CRIP3: variants seen among roughly 807,000 people sequenced by gnomAD.
CRIP3 encodes the protein cysteine-rich protein 3.
Under a neutral mutation model 30.3 loss-of-function variants are expected in CRIP3, and 23 were observed. That is an observed-to-expected ratio of 0.76 (90% CI 0.55 to 1.08). The LOEUF is 1.08. Among genes scored for constraint, CRIP3 ranks in the 50% least tolerant of loss-of-function variants. CRIP3 has a pLI of 0.00. For synonymous variants in CRIP3, 89 were observed against 97.6 expected (o/e 0.91, Z 0.52); for missense variants, 261 against 259.3 (o/e 1.01, Z -0.04).
chr6:43,306,587 G>A, intron 4 of CRIP3, 70 bp from the exon 5 acceptor site: 4 of 1,286,970 alleles, frequency 3.1e-6, no homozygotes, highest in Non-Finnish European at 4.3e-6. Context: ...TGCATATGGT[G>A]CTGTCCTCTT....
chr6:43,306,724 G>C, intron 4 of CRIP3: 1 of 538,398 alleles, frequency 1.9e-6, no homozygotes, highest in Non-Finnish European at 3.3e-6. Context: ...GGGACTATCT[G>C]CTTCCTTCTC....
Position 43,308,799 on chromosome 6 carries a change from G to A in CRIP3, c.-7C>T, listed in dbSNP as rs773618278. The A allele has an allele frequency of 6.2e-7, 1 of 1,613,820 alleles. No homozygotes were observed. Among genetic ancestry groups the A allele is most frequent in the Non-Finnish European group, 8.5e-7 (1 of 1,180,004 alleles). On this transcript the variant is annotated 5_prime_UTR_variant, in exon 1 of 8. Transcript: ENST00000372569. ...GCGGACAGGTCCAGCTCATAGCTCC[G>A]CTCCAGGCAGCGCACGCGGCACACA...
chr6:43,306,319 G>A lies in CRIP3; in HGVS notation c.401-6C>T. On this transcript the variant is annotated splice_region_variant and splice_polypyrimidine_tract_variant and intron_variant, in intron 5 of 7. Coordinates refer to ENST00000372569, the MANE Select transcript of CRIP3 (RefSeq NM_206922.3). ...TAATGACATCACCTTCTCAGCTGGT[G>A]GTGGAAAGAAGTGGTAATGCTTCCA... 6.2e-7 allele frequency: 1 copy of A among 1,613,940 alleles called. No individual in the cohort carries two copies. Among genetic ancestry groups the A allele is most frequent in the African/African-American group, 1.3e-5 (1 of 75,012 alleles).
At position 43,308,334 on chromosome 6, in the gene CRIP3, G is replaced by C; in HGVS notation, c.119C>G (p.Ser40Cys). 6.2e-7 allele frequency: 1 copy of C among 1,612,910 alleles called. No individual in the cohort carries two copies. The highest frequency in any genetic ancestry group is 8.5e-7 in the Non-Finnish European group (1 of 1,179,684). Reference sequence around the variant, plus strand: ...TCTTACCTCTGCATGCCCGCCAGGGGACAGGATGCTGTGGCAGCGCTCACA... The same window carrying C: ...TCTTACCTCTGCATGCCCGCCAGGGCACAGGATGCTGTGGCAGCGCTCACA... ...LKCERCHSIL[S>C]PGGHAEHNGR... is the part of the protein sequence containing the mutation. The change falls in exon 2 of 8, where the codon TCC (serine) becomes TGC (cysteine). Residue 40 changes from serine (S) to cysteine (C), a missense_variant. Transcript: ENST00000372569.
In CRIP3 at chr6:43,308,783, T is replaced by G; in HGVS notation, c.10A>C (p.Thr4Pro). The change falls in exon 1 of 8, where the codon ACC becomes CCC. Residue 4 changes from threonine to proline, a missense_variant. Coordinates refer to ENST00000372569, the MANE Select transcript of CRIP3 (RefSeq NM_206922.3). ...ACAGGTTGCTGGCAACGCGGACAGG[T>G]CCAGCTCATAGCTCCGCTCCAGGCA... MSW[T>P]CPRCQQPVFF... The G allele has an allele frequency of 6.2e-7, 1 of 1,613,804 alleles. No individual in the cohort carries two copies. Among genetic ancestry groups the G allele is most frequent in the Non-Finnish European group, 8.5e-7 (1 of 1,179,962 alleles).
At chr6:43,306,956 C>T (rs1002162974) in intron 4 of CRIP3, 26 of 169,728 alleles carry the variant, frequency 1.5e-4, no homozygotes, top group African/African-American at 5.0e-4. Context: ...ATCCCAATGA[C>T]TCCTCTCCTT....
intron 1 of CRIP3, 116 bp downstream of exon 1, chr6:43,308,634 C>A: frequency 1.5e-6 from 2 of 1,316,262 alleles, no homozygotes; most frequent in Non-Finnish European, 2.2e-6. Context: ...AGACTACCAG[C>A]CGCTGCAGGT....
chr6:43,307,003 C>A (rs1346354269), intron 4 of CRIP3: 1 of 158,170 alleles, frequency 6.3e-6, no homozygotes, highest in Non-Finnish European at 1.4e-5. Flanking sequence ...CTGGGACAGA[C>A]CTAAGTTCCT....
intron 1 of CRIP3, 45 bp from the exon 2 acceptor site, chr6:43,308,454 G>A: frequency 6.5e-7 from 1 of 1,534,414 alleles, no homozygotes; most frequent in Non-Finnish European, 9.0e-7. Flanking sequence ...GCCTGTCCAA[G>A]CATAGGGCCC....
intron 2 of CRIP3, 118 bp downstream of exon 2, chr6:43,308,197 T>G: frequency 2.2e-6 from 2 of 929,046 alleles, no homozygotes; most frequent in Non-Finnish European, 3.3e-6. Context: ...GTGGGCGGCC[T>G]TGGGGTTGGC....
At chr6:43,306,011 A>G (rs769444881) in intron 7 of CRIP3, 56 bp downstream of exon 7, 8 of 1,605,604 alleles carry the variant, frequency 5.0e-6, no homozygotes, top group Non-Finnish European at 6.8e-6. Flanking sequence ...GACCATGTAC[A>G]TGCCATACTT....
In CRIP3 at chr6:43,306,643, A is replaced by T. The variant is rs1468923128; in HGVS notation, c.329-126T>A. The T allele has an allele frequency of 9.1e-6, 7 of 767,638 alleles. No homozygotes were observed. The African/African-American group carries it at 1.2e-4, about 14-fold the overall frequency. 47.6% of individuals were successfully genotyped at this position (767,638 alleles called of 1,614,324 possible). A position where few individuals can be genotyped will look rare whatever the true frequency, so the allele number is the denominator to read the frequency against. On this transcript the variant is annotated intron_variant, in intron 4 of 7. Coordinates refer to ENST00000372569, the MANE Select transcript of CRIP3 (RefSeq NM_206922.3). ...AGAGTGCCCCACCCAGGCGCCCAAGAGTCTGCCTTCTACAGGCCCAGAGCT... is the reference window on the plus strand; with the variant it reads ...AGAGTGCCCCACCCAGGCGCCCAAGTGTCTGCCTTCTACAGGCCCAGAGCT...
At position 43,305,537 on chromosome 6, in the gene CRIP3, TA is replaced by T. The variant is rs1350219076; in HGVS notation, c.*276del. 1.2e-5 allele frequency: 6 copies of T among 508,892 alleles called. No individual in the cohort carries two copies. The highest frequency in any genetic ancestry group is 3.5e-5 in the Admixed American group (1 of 28,886). 31.5% of individuals were successfully genotyped at this position (508,892 alleles called of 1,614,324 possible). On this transcript the variant is annotated 3_prime_UTR_variant, in exon 8 of 8. Transcript: ENST00000372569. ...ATTCAATAAACACAAGTTTTATGAG[TA>T]CCTTGAAGCTCCAGAATGTGCTGGG...
Position 43,305,582 on chromosome 6 carries a change from CAGG to C in CRIP3, c.*229_*231del, listed in dbSNP as rs1049974271. 3.4e-5 allele frequency: 20 copies of C among 591,100 alleles called. No individual in the cohort carries two copies. Among genetic ancestry groups the C allele is most frequent in the African/African-American group, 2.1e-4 (11 of 53,652 alleles). The allele number at this position is 591,100 out of a possible 1,614,324, so 36.6% of individuals were successfully genotyped here. On this transcript the variant is annotated 3_prime_UTR_variant, in exon 8 of 8. Transcript: ENST00000372569. ...TGCTGGGGAAAGGGGTTGTGATGGC[CAGG>C]AGGAGGATACCCTTCAAAACGGGCT...
chr6:43,308,441 G>A, intron 1 of CRIP3, 32 bp from the exon 2 acceptor site: 1 of 1,588,930 alleles, frequency 6.3e-7, no homozygotes, highest in Admixed American at 1.7e-5. Context: ...CGAGCTGCGA[G>A]GAGCCTGTCC....
intron 7 of CRIP3, 72 bp downstream of exon 7, chr6:43,305,995 C>A (rs1306459435): frequency 1.2e-6 from 2 of 1,606,252 alleles, no homozygotes; most frequent in Non-Finnish European, 8.5e-7. Context: ...TCCACACATA[C>A]CCACAGACCA....
At chr6:43,308,272 G>A (rs1383884334) in intron 2 of CRIP3, 43 bp downstream of exon 2, 7 of 1,492,244 alleles carry the variant, frequency 4.7e-6, no homozygotes, top group East Asian at 2.3e-5. Context: ...GGGGGTGGGA[G>A]GCAGTGATGT....
In CRIP3 at chr6:43,305,832, C is replaced by T. The variant is rs1778913586; in HGVS notation, c.597G>A (p.Val199=). Residue 199 remains valine (V), a synonymous_variant, in exon 8 of 8, where the codon GTG becomes GTA. Transcript: ENST00000372569. ...GDVGCYIYDP[V]KIKFK ...GAGCGTCTCATTTGAATTTTATCTT[C>T]ACTGGGTCATAGATGTAGCAGCCCA... 2 of 1,614,106 alleles carry T rather than the reference C, an allele frequency of 1.2e-6. No homozygotes were observed. The highest frequency in any genetic ancestry group is 1.7e-6 in the Non-Finnish European group (2 of 1,180,030).
In CRIP3 at chr6:43,308,320, C is replaced by T; in HGVS notation, c.133G>A (p.Ala45Thr). Residue 45 changes from alanine (A) to threonine (T), a missense_variant, in exon 2 of 8, where the codon GCA (alanine) becomes ACA (threonine). By Grantham distance (58) the Ala-to-Thr change is moderately conservative (BLOSUM62 0). Transcript: ENST00000372569. ...GCTCCCTGGCCAGGTCTTACCTCTGCATGCCCGCCAGGGGACAGGATGCTG... is the reference window on the plus strand; with the variant it reads ...GCTCCCTGGCCAGGTCTTACCTCTGTATGCCCGCCAGGGGACAGGATGCTG... ...CHSILSPGGH[A>T]EHNGRPYCHK... 1 of 1,612,136 alleles carries T rather than the reference C, an allele frequency of 6.2e-7. No individual in the cohort carries two copies. The highest frequency in any genetic ancestry group is 8.5e-7 in the Non-Finnish European group (1 of 1,179,190).
Sources: allele counts gnomAD v4.1 joint callset, GRCh38; gene constraint gnomAD v4.1.1; transcripts MANE v1.5; gene names NCBI Gene and HGNC (gene_info 2026-07-23, HGNC 2026-07-21).